The following TRPC5 variants were observed in gnomAD, a reference collection of about 807,000 sequenced individuals.
The protein encoded by TRPC5 is short transient receptor potential channel 5.
TRPC5 carries 9 observed loss-of-function variants against 56.5 expected under a neutral mutation model. That is an observed-to-expected ratio of 0.16 (90% CI 0.10 to 0.28). The LOEUF is 0.28. TRPC5 is among the 10% of genes least tolerant of loss of function. The probability of loss-of-function intolerance (pLI) is 1.00; values close to 1 mark genes in which losing one functional copy is unlikely to be tolerated. For synonymous variants in TRPC5, 282 were observed against 278.5 expected (o/e 1.01, Z -0.13); for missense variants, 469 against 748.9 (o/e 0.63, Z 4.36).
At chrX:111,926,610 T>C (rs751189040) in intron 2 of TRPC5, among the ~76,000 whole-genome samples, 1 of 111,953 alleles carries the variant, frequency 8.9e-6, no homozygotes, top group Non-Finnish European at 1.9e-5. Flanking sequence ...CGAGCAGTGA[T>C]TAACATTTAC....
intron 3 of TRPC5, among the ~76,000 whole-genome samples, chrX:111,885,182 A>G (rs1213727116): frequency 8.8e-6 from 1 of 113,012 alleles, no homozygotes; most frequent in Non-Finnish European, 1.9e-5. Flanking sequence ...ATCAGTCTAG[A>G]TAAGGCATTG....
At chrX:111,976,392 C>A (rs1303528503) in intron 1 of TRPC5, among the ~76,000 whole-genome samples, 2 of 111,048 alleles carry the variant, frequency 1.8e-5, no homozygotes, top group African/African-American at 6.6e-5. Flanking sequence ...CACTGAACTC[C>A]AGCCTGGAGT....
chrX:112,038,229 G>A (rs760332697), intron 1 of TRPC5, among the ~76,000 whole-genome samples: 1 of 111,803 alleles, frequency 8.9e-6, no homozygotes, highest in East Asian at 2.8e-4. Context: ...AATTTACGTC[G>A]TTACATTTCA....
chrX:111,805,932 C>G (rs774691518), intron 7 of TRPC5, among the ~76,000 whole-genome samples: 1 of 111,195 alleles, frequency 9.0e-6, no homozygotes, highest in Non-Finnish European at 1.9e-5. Flanking sequence ...CTCAGCCTCC[C>G]AAAGTGCTGG....
chrX:111,876,396 T>C (rs1923943956), intron 3 of TRPC5: 1 of 111,903 alleles, frequency 8.9e-6, no homozygotes. Flanking sequence ...CTTGCCTTCT[T>C]CTCCTGGCAG....
intron 3 of TRPC5, among the ~76,000 whole-genome samples, chrX:111,906,814 T>G (rs1569527898): frequency 9.0e-6 from 1 of 111,335 alleles, no homozygotes; most frequent in Non-Finnish European, 1.9e-5. Context: ...CACAGCACAC[T>G]TTAAAAGATT....
At chrX:112,005,915 C>A (rs1928830570) in intron 1 of TRPC5, among the ~76,000 whole-genome samples, 1 of 111,577 alleles carries the variant, frequency 9.0e-6, no homozygotes, top group Non-Finnish European at 1.9e-5. Flanking sequence ...TCTATGTATC[C>A]CCCAAGGCCG....
At chrX:111,915,659 G>A (rs769853965) in intron 2 of TRPC5, among the ~76,000 whole-genome samples, 2 of 112,181 alleles carry the variant, frequency 1.8e-5, no homozygotes, top group Admixed American at 9.4e-5. Context: ...CTTCACACAC[G>A]TACTTTTTGC....
chrX:112,011,343 CAAGT>C (rs1400922484), intron 1 of TRPC5, among the ~76,000 whole-genome samples: 1 of 111,323 alleles, frequency 9.0e-6, no homozygotes, highest in Non-Finnish European at 1.9e-5. Context: ...CAAGAAAGCG[CAAGT>C]AAGTAGGGTT....
At chrX:111,906,134 T>C (rs764072965) in intron 3 of TRPC5, among the ~76,000 whole-genome samples, 1 of 109,632 alleles carries the variant, frequency 9.1e-6, no homozygotes, top group African/African-American at 3.3e-5. Flanking sequence ...ACAGGCGGAT[T>C]GCCTAAGCTC....
intron 1 of TRPC5, among the ~76,000 whole-genome samples, chrX:112,074,639 G>T (rs1930793141): frequency 9.0e-6 from 1 of 111,293 alleles, no homozygotes; most frequent in African/African-American, 3.3e-5. Flanking sequence ...CTGTTTCCAT[G>T]AATGGCTTAA....
At chrX:111,936,438 C>T (rs1310092232) in intron 2 of TRPC5, among the ~76,000 whole-genome samples, 1 of 109,254 alleles carries the variant, frequency 9.2e-6, no homozygotes, top group African/African-American at 3.3e-5. Flanking sequence ...TGGTGTGCTG[C>T]ACCCATTAAC....
chrX:111,907,790 T>G (rs1195362293), intron 3 of TRPC5, among the ~76,000 whole-genome samples: 1 of 111,370 alleles, frequency 9.0e-6, no homozygotes, highest in Admixed American at 9.6e-5. Flanking sequence ...TATAATGTGA[T>G]AAAATAAAGA....
intron 1 of TRPC5, among the ~76,000 whole-genome samples, chrX:112,074,508 T>C (rs192753809): frequency 3.1e-4 from 34 of 110,668 alleles, no homozygotes; most frequent in African/African-American, 1.1e-3. Context: ...ATTTCTTTTT[T>C]TAAAATCTCC....
In TRPC5 at chrX:111,779,077, G is replaced by A; in HGVS notation, c.2143-3C>T. The A allele has an allele frequency of 8.5e-7, 1 of 1,176,623 alleles. No homozygotes were observed. The highest frequency in any genetic ancestry group is 1.9e-5 in the South Asian group (1 of 52,915). ...TTGACTAAATTCCTGATAACTTCCT[G>A]GAATTACAAAACATGAAGAAGCATT... On this transcript the variant is annotated splice_region_variant and splice_polypyrimidine_tract_variant and intron_variant, in intron 9 of 10. Coordinates refer to ENST00000262839, the MANE Select transcript of TRPC5 (RefSeq NM_012471.3).
intron 1 of TRPC5, among the ~76,000 whole-genome samples, chrX:111,955,385 C>G (rs185020089): frequency 2.3e-4 from 26 of 111,958 alleles, no homozygotes; most frequent in African/African-American, 8.1e-4. Context: ...TGAATTCCCT[C>G]ATTAGGAACG....
intron 1 of TRPC5, among the ~76,000 whole-genome samples, chrX:112,058,010 C>T (rs1232645703): frequency 9.0e-6 from 1 of 111,528 alleles, no homozygotes; most frequent in African/African-American, 3.3e-5. Context: ...TTCTTGCTTG[C>T]CCTTTCTCTA....
Position 112,042,237 on chromosome X carries a change from C to G in TRPC5, c.-22+39642G>C, listed in dbSNP as rs778424670. ...TTCTGACTGGTGCCCATGAAATGAC[C>G]GTGTTGCAATCAAGTTTCCCAAGCA... On this transcript the variant is annotated intron_variant, in intron 1 of 10. Coordinates refer to ENST00000262839, the MANE Select transcript of TRPC5 (RefSeq NM_012471.3). Among the ~76,000 whole-genome samples the G allele has an allele frequency of 7.2e-5, 8 of 111,297 alleles. No homozygotes were observed. In the South Asian group the frequency reaches 1.1e-3, roughly 16 times the overall value.
At chrX:112,075,946 T>C (rs1404356518) in intron 1 of TRPC5, among the ~76,000 whole-genome samples, 1 of 112,276 alleles carries the variant, frequency 8.9e-6, no homozygotes, top group East Asian at 2.8e-4. Context: ...TGCTGAAACC[T>C]TGATTTTAGC....
Sources: allele counts gnomAD v4.1 joint callset (sites outside exome capture counted in the v4.1 genomes callset), GRCh38; gene constraint gnomAD v4.1.1; transcripts MANE v1.5; gene names NCBI Gene and HGNC (gene_info 2026-07-23, HGNC 2026-07-21).